Variants in TPST1 observed in about 807,000 individuals in gnomAD.
TPST1 encodes protein-tyrosine sulfotransferase 1.
Under a neutral mutation model 34.8 loss-of-function variants are expected in TPST1, and 20 were observed. The ratio of observed to expected loss-of-function variants is 0.57; its 90% CI spans 0.40 to 0.84. TPST1 has a LOEUF of 0.84. TPST1 is among the 40% of genes least tolerant of loss of function. TPST1 has a pLI of 0.00. For missense variants in TPST1, 353 were observed against 455.5 expected, an observed-to-expected ratio of 0.78 and a Z score of 2.05; for synonymous variants, 152 against 159.4, an observed-to-expected ratio of 0.95 and a Z score of 0.35.
chr7:66,301,645 G>A (rs1405027532), intron 3 of TPST1, among the ~76,000 whole-genome samples: 1 of 152,176 alleles, frequency 6.6e-6, no homozygotes, highest in Non-Finnish European at 1.5e-5. Context: ...CACAGGAACA[G>A]GGAGGCCCAA....
intron 2 of TPST1, among the ~76,000 whole-genome samples, chr7:66,269,141 A>G (rs1181123043): frequency 6.6e-6 from 1 of 152,216 alleles, no homozygotes; most frequent in African/African-American, 2.4e-5. Context: ...AAGAGATATC[A>G]TTTAAAAAGG....
chr7:66,253,365 G>A (rs1238710626), intron 2 of TPST1, among the ~76,000 whole-genome samples: 1 of 149,616 alleles, frequency 6.7e-6, no homozygotes, highest in Non-Finnish European at 1.5e-5. Context: ...TAGTGAGATC[G>A]CTTTCTTTTT....
At chr7:66,359,615 G>T in intron 5 of TPST1, 1 of 294,676 alleles carries the variant, frequency 3.4e-6, no homozygotes, top group South Asian at 3.2e-5. Context: ...CAGTTATTTA[G>T]AAATGGGCAG....
At chr7:66,342,308 T>A (rs1337016294) in intron 3 of TPST1, among the ~76,000 whole-genome samples, 1 of 152,100 alleles carries the variant, frequency 6.6e-6, no homozygotes, top group African/African-American at 2.4e-5. Context: ...AATCACAGAT[T>A]ACCTCCAGAA....
At chr7:66,213,562 T>C (rs1789311549) in intron 1 of TPST1, among the ~76,000 whole-genome samples, 1 of 152,132 alleles carries the variant, frequency 6.6e-6, no homozygotes, top group Non-Finnish European at 1.5e-5. Flanking sequence ...GAGACCATCC[T>C]GGCTAACACG....
At chr7:66,215,642 G>A (rs913359134) in intron 1 of TPST1, among the ~76,000 whole-genome samples, 4 of 151,668 alleles carry the variant, frequency 2.6e-5, no homozygotes, top group Non-Finnish European at 2.9e-5. Flanking sequence ...CAAAGTGCTG[G>A]GATTACAGGC....
upstream of TPST1, among the ~76,000 whole-genome samples, chr7:66,201,787 A>G (rs954517801): frequency 4.7e-5 from 7 of 149,426 alleles, no homozygotes; most frequent in Admixed American, 2.0e-4. Context: ...CAGGCGTTTG[A>G]GGCTGCAGTG....
chr7:66,316,908 TG>T (rs1233741473), intron 3 of TPST1, among the ~76,000 whole-genome samples: 2 of 152,054 alleles, frequency 1.3e-5, no homozygotes, highest in Admixed American at 6.6e-5. Flanking sequence ...AACAAGACAC[TG>T]GGGTGTACTG....
At chr7:66,354,338 G>C (rs1428401809) in intron 4 of TPST1, among the ~76,000 whole-genome samples, 2 of 152,064 alleles carry the variant, frequency 1.3e-5, no homozygotes, top group Admixed American at 1.3e-4. Context: ...AGGTGCGGTG[G>C]TTCACGCCTG....
At chr7:66,216,626 C>T (rs930634707) in intron 1 of TPST1, among the ~76,000 whole-genome samples, 8 of 152,050 alleles carry the variant, frequency 5.3e-5, no homozygotes, top group South Asian at 4.1e-4. Flanking sequence ...CCTGCCACCA[C>T]GCCCAGCTAA....
At chr7:66,307,770 G>C (rs1791453281) in intron 3 of TPST1, among the ~76,000 whole-genome samples, 1 of 152,210 alleles carries the variant, frequency 6.6e-6, no homozygotes, top group African/African-American at 2.4e-5. Context: ...CTTCATTCCT[G>C]TTGCTCTCAC....
At chr7:66,348,279 T>A (rs1204536313) in intron 3 of TPST1, among the ~76,000 whole-genome samples, 1 of 152,214 alleles carries the variant, frequency 6.6e-6, no homozygotes, top group East Asian at 1.9e-4. Context: ...ACAGAGCAAC[T>A]AGAATGATTA....
chr7:66,295,050 C>T (rs748553784), intron 3 of TPST1, among the ~76,000 whole-genome samples: 3 of 151,970 alleles, frequency 2.0e-5, no homozygotes, highest in Non-Finnish European at 2.9e-5. Context: ...TGTTGTTTAC[C>T]GTTTTCTCTT....
intron 2 of TPST1, among the ~76,000 whole-genome samples, chr7:66,255,008 G>A (rs572497587): frequency 6.6e-6 from 1 of 152,058 alleles, no homozygotes; most frequent in African/African-American, 2.4e-5. Context: ...TTAGCCGGGC[G>A]TGGTGGCGGG....
intron 2 of TPST1, among the ~76,000 whole-genome samples, chr7:66,282,725 TGA>T (rs1164893840): frequency 3.3e-5 from 5 of 152,220 alleles, no homozygotes; most frequent in African/African-American, 1.2e-4. Flanking sequence ...GAGGCAACTC[TGA>T]GAGTTTCAAT....
Position 66,322,345 on chromosome 7 carries a change from T to C in TPST1, c.1045-30160T>C, listed in dbSNP as rs1791774475. On this transcript the variant is annotated intron_variant, in intron 3 of 5. Transcript: ENST00000304842. ...TGTTGTAAAACAGATTCAGAAACTTTTTATCTTGAAAAACGGAAAACTTTA... is the reference window on the plus strand; with the variant it reads ...TGTTGTAAAACAGATTCAGAAACTTCTTATCTTGAAAAACGGAAAACTTTA... Among the ~76,000 whole-genome samples the C allele has an allele frequency of 2.6e-5, 4 of 152,230 alleles. No homozygotes were observed. The South Asian group carries it at 8.3e-4, about 32-fold the overall frequency.
At chr7:66,302,414 C>T (rs1422325292) in intron 3 of TPST1, among the ~76,000 whole-genome samples, 2 of 152,192 alleles carry the variant, frequency 1.3e-5, no homozygotes, top group Non-Finnish European at 2.9e-5. Flanking sequence ...CACCACACAG[C>T]ATTGGGAGAT....
chr7:66,308,193 T>C (rs1791461395), intron 3 of TPST1, among the ~76,000 whole-genome samples: 3 of 152,132 alleles, frequency 2.0e-5, no homozygotes, highest in Admixed American at 2.0e-4. Context: ...CCTTACTAAA[T>C]CCTAGTAGCA....
At chr7:66,208,476 G>GT (rs200870708) in intron 1 of TPST1, among the ~76,000 whole-genome samples, 4,857 of 148,590 alleles carry the variant, frequency 0.033, 108 homozygotes, top group Middle Eastern at 0.056. Context: ...ACCATTTTTA[G>GT]TTTTTTTTTT....
Sources: gnomAD v4.1 joint callset for allele counts (sites outside exome capture counted in the v4.1 genomes callset) on GRCh38, gnomAD v4.1.1 for gene constraint, MANE v1.5 for transcripts, NCBI Gene and HGNC (gene_info 2026-07-23, HGNC 2026-07-21) for gene names.